Variants in ZNF804A observed in about 807,000 individuals in gnomAD.
The protein encoded by ZNF804A is zinc finger protein 804A.
Under a neutral mutation model 16.5 loss-of-function variants are expected in ZNF804A, and 2 were observed. That is an observed-to-expected ratio of 0.12 (90% confidence interval 0.05 to 0.38). ZNF804A has a LOEUF of 0.38. ZNF804A is among the 10% of genes least tolerant of loss of function. ZNF804A has a pLI of 0.99. For synonymous variants in ZNF804A, 534 were observed against 489.6 expected (o/e 1.09, Z -1.20); for missense variants, 1,473 against 1,390.7 (o/e 1.06, Z -0.94).
At chr2:184,721,016 T>C (rs1185807501) in intron 1 of ZNF804A, among the ~76,000 whole-genome samples, 1 of 152,202 alleles carries the variant, frequency 6.6e-6, no homozygotes, top group Non-Finnish European at 1.5e-5. Flanking sequence ...CTTCAATAAA[T>C]GATATTGGGA....
intron 1 of ZNF804A, among the ~76,000 whole-genome samples, chr2:184,850,664 AT>A (rs1443034692): frequency 6.6e-6 from 1 of 151,682 alleles, no homozygotes; most frequent in Non-Finnish European, 1.5e-5. Flanking sequence ...TCATTTCAAA[AT>A]GATAAAAGCA....
intron 1 of ZNF804A, among the ~76,000 whole-genome samples, chr2:184,786,907 T>C (rs1220975933): frequency 1.3e-5 from 2 of 151,906 alleles, no homozygotes; most frequent in Non-Finnish European, 2.9e-5. Flanking sequence ...TTACAGCAAA[T>C]TTCTGCTATT....
intron 1 of ZNF804A, among the ~76,000 whole-genome samples, chr2:184,648,711 G>A (rs1215165741): frequency 1.3e-5 from 2 of 152,036 alleles, no homozygotes; most frequent in African/African-American, 4.8e-5. Context: ...TTATGATAAA[G>A]GATCCAATTT....
At chr2:184,933,451 AT>A in intron 2 of ZNF804A, 151 bp from the exon 3 acceptor site, 1 of 617,960 alleles carries the variant, frequency 1.6e-6, no homozygotes, top group Non-Finnish European at 2.5e-6. Context: ...GCGAGAAAAT[AT>A]TTTTGTTAGA....
chr2:184,696,259 C>T (rs1204167513), intron 1 of ZNF804A, among the ~76,000 whole-genome samples: 3 of 151,932 alleles, frequency 2.0e-5, no homozygotes, highest in African/African-American at 7.3e-5. Flanking sequence ...AAGAGGAAGA[C>T]CAATTGCATT....
intron 1 of ZNF804A, among the ~76,000 whole-genome samples, chr2:184,706,851 T>G (rs1559131194): frequency 6.6e-6 from 1 of 152,240 alleles, no homozygotes; most frequent in Non-Finnish European, 1.5e-5. Flanking sequence ...TCTATACTGA[T>G]GAGCATTTAC....
rs765602514 is a variant in ZNF804A, at chr2:184,937,373, G to T, written c.1977G>T (p.Arg659Ser). 6.2e-7 allele frequency: 1 copy of T among 1,613,582 alleles called. No homozygotes were observed. The highest frequency in any genetic ancestry group is 8.5e-7 in the Non-Finnish European group (1 of 1,179,828). Reference sequence around the variant, plus strand: ...ACTCACATCAGTTACTTGATAAAAGGCCCAAATCAGAATCCATATCCTTAA... The same window carrying T: ...ACTCACATCAGTTACTTGATAAAAGTCCCAAATCAGAATCCATATCCTTAA... ...LLDSHQLLDK[R>S]PKSESISLSD... The change falls in exon 4 of 4, where the codon AGG (arginine) becomes AGT (serine). Residue 659 changes from arginine (R) to serine (S), a missense_variant. Physicochemically the swap from Arg to Ser is moderately radical, Grantham distance 110. Transcript: ENST00000302277.
chr2:184,623,780 C>T (rs1691454003), intron 1 of ZNF804A, among the ~76,000 whole-genome samples: 1 of 152,106 alleles, frequency 6.6e-6, no homozygotes, highest in South Asian at 2.1e-4. Flanking sequence ...CGCACATACA[C>T]AACTTCCCCA....
intron 1 of ZNF804A, among the ~76,000 whole-genome samples, chr2:184,749,524 A>G (rs1693843816): frequency 6.6e-6 from 1 of 151,376 alleles, no homozygotes; most frequent in African/African-American, 2.4e-5. Flanking sequence ...GTCAACAAAG[A>G]GGTAGAGTTT....
intron 1 of ZNF804A, among the ~76,000 whole-genome samples, chr2:184,702,620 TC>T (rs1483904149): frequency 6.6e-6 from 1 of 152,114 alleles, no homozygotes; most frequent in African/African-American, 2.4e-5. Context: ...TCAAAACTGA[TC>T]TGGTTCATAA....
At chr2:184,662,546 G>T (rs984689867) in intron 1 of ZNF804A, among the ~76,000 whole-genome samples, 24 of 152,102 alleles carry the variant, frequency 1.6e-4, no homozygotes, top group Non-Finnish European at 4.4e-5. Flanking sequence ...GTGAGTATTT[G>T]CTTATTACTT....
Position 184,607,936 on chromosome 2 carries a change from CTTTTTTTTTTTTTT to C in ZNF804A, c.111+8880_111+8893del, listed in dbSNP as rs34262998. On this transcript the variant is annotated intron_variant, in intron 1 of 3. Coordinates refer to ENST00000302277, the MANE Select transcript of ZNF804A (RefSeq NM_194250.2). ...CACCATGGAGAACCTTGATGCATCT[CTTTTTTTTTTTTTT>C]TTTTTTTTTTTTTGAGACGGAGTCT... Among the ~76,000 whole-genome samples, 603 of 65,684 alleles carry C rather than the reference CTTTTTTTTTTTTTT, an allele frequency of 9.2e-3. 27 individuals are homozygous for C. The South Asian group carries it at 0.16, about 18-fold the overall frequency. The allele number at this position is 65,684 out of a possible 152,430, so 43.1% of individuals were successfully genotyped here.
At chr2:184,911,486 G>T (rs746968519) in intron 2 of ZNF804A, among the ~76,000 whole-genome samples, 3 of 151,930 alleles carry the variant, frequency 2.0e-5, no homozygotes, top group Admixed American at 6.6e-5. Context: ...TTTTAGAATA[G>T]TATTTCTAAT....
intron 1 of ZNF804A, among the ~76,000 whole-genome samples, chr2:184,795,315 T>G (rs1694614927): frequency 6.6e-6 from 1 of 151,926 alleles, no homozygotes; most frequent in Admixed American, 6.6e-5. Flanking sequence ...CTGCTCCTCA[T>G]TAAGCACTAG....
chr2:184,895,920 C>A (rs1170333835), intron 2 of ZNF804A, among the ~76,000 whole-genome samples: 6 of 152,102 alleles, frequency 3.9e-5, no homozygotes, highest in East Asian at 1.9e-4. Flanking sequence ...ATATATAGTT[C>A]TCTATTCCTT....
intron 1 of ZNF804A, among the ~76,000 whole-genome samples, chr2:184,637,614 A>G (rs1022311490): frequency 1.3e-5 from 2 of 152,100 alleles, no homozygotes; most frequent in African/African-American, 2.4e-5. Context: ...ATCTTAAAGC[A>G]GATTTATCTT....
Position 184,929,359 on chromosome 2 carries a change from G to A in ZNF804A, c.256-4244G>A, listed in dbSNP as rs77488029. Among the ~76,000 whole-genome samples, 530 of 152,050 alleles carry A rather than the reference G, an allele frequency of 3.5e-3. 5 individuals are homozygous for A. Among genetic ancestry groups the A allele is most frequent in the African/African-American group, 0.012 (495 of 41,484 alleles). On this transcript the variant is annotated intron_variant, in intron 2 of 3. Transcript: ENST00000302277. ...TTTGCATGCTTTCTTTGGAAAATAC[G>A]GTTTGTTTTTCATTCATTTGTTTTT...
At chr2:184,688,538 A>G (rs570891512) in intron 1 of ZNF804A, among the ~76,000 whole-genome samples, 1 of 152,240 alleles carries the variant, frequency 6.6e-6, no homozygotes, top group African/African-American at 2.4e-5. Context: ...GAGAGATAGG[A>G]TTACTTTTGC....
intron 1 of ZNF804A, among the ~76,000 whole-genome samples, chr2:184,797,080 T>C (rs994315183): frequency 6.6e-6 from 1 of 152,160 alleles, no homozygotes. Context: ...CTATGCACTG[T>C]TGAATAGAAT....
Sources: gnomAD v4.1 joint callset for allele counts (sites outside exome capture counted in the v4.1 genomes callset) on GRCh38, gnomAD v4.1.1 for gene constraint, MANE v1.5 for transcripts, NCBI Gene and HGNC (gene_info 2026-07-23, HGNC 2026-07-21) for gene names.